The following DYNC1H1 variants were observed in gnomAD, a reference collection of about 807,000 sequenced individuals.
DYNC1H1 encodes the protein cytoplasmic dynein 1 heavy chain 1.
Under a neutral mutation model 527.1 loss-of-function variants are expected in DYNC1H1, and 51 were observed. The ratio of observed to expected loss-of-function variants is 0.10; its 90% CI spans 0.08 to 0.12. The LOEUF is 0.12. DYNC1H1 is among the 10% of genes least tolerant of loss of function. The probability of loss-of-function intolerance (pLI) is 1.00; values close to 1 mark genes in which losing one functional copy is unlikely to be tolerated. For synonymous variants in DYNC1H1, 2,189 were observed against 2,278.8 expected (o/e 0.96, Z 1.12); for missense variants, 2,771 against 5,971.8 (o/e 0.46, Z 17.66).
chr14:102,008,312 A>C lies in DYNC1H1; in HGVS notation c.5952A>C (p.Glu1984Asp). 1 of 1,614,220 alleles carries C rather than the reference A, an allele frequency of 6.2e-7. No homozygotes were observed. Among genetic ancestry groups the C allele is most frequent in the Non-Finnish European group, 8.5e-7 (1 of 1,180,038 alleles). ...QVQCIQEALR[E>D]HSNPNYDKTS... ...AGTGCATACAGGAAGCACTGCGTGA[A>C]CATTCCAACCCCAACTACGACAAGA... is the stretch of plus-strand genomic sequence containing the variant. Residue 1984 changes from glutamate (E) to aspartate (D), a missense_variant, in exon 29 of 78, where the codon GAA becomes GAC. Glu to Asp is a conservative substitution (Grantham distance 45, BLOSUM62 2). This residue lies in a region of DYNC1H1 where 39 missense variants were observed against 38.8 expected (regional missense o/e 1.00). Transcript: ENST00000360184.
At position 102,026,735 on chromosome 14, in the gene DYNC1H1, C is replaced by T. The variant is rs577133277; in HGVS notation, c.8771+28C>T. The stretch of plus-strand genomic sequence containing the variant: ...GGGCTTTTTTGTTGTTACAGCCCCA[C>T]CTCTCGCCTAAGCTGCTCTTGAGTA... On this transcript the variant is annotated intron_variant, in intron 44 of 77. Coordinates refer to ENST00000360184, the MANE Select transcript of DYNC1H1 (RefSeq NM_001376.5). The T allele has an allele frequency of 3.1e-6, 5 of 1,611,010 alleles. No individual in the cohort carries two copies. In the East Asian group the frequency reaches 8.9e-5, roughly 29 times the overall value.
chr14:102,026,349 G>A (rs560199731), intron 43 of DYNC1H1, among the ~76,000 whole-genome samples: 1 of 152,032 alleles, frequency 6.6e-6, no homozygotes, highest in Non-Finnish European at 1.5e-5. Context: ...CATGTATTGA[G>A]GTCCTCTTCA....
In DYNC1H1 at chr14:102,016,289, G is replaced by A; in HGVS notation, c.7474-60G>A. The stretch of plus-strand genomic sequence containing the variant: ...TGTCTTTAGGTTAACTTTGCTGTAA[G>A]TGTCTTTCTTTTGTTGTTGAAATTT... On this transcript the variant is annotated intron_variant, in intron 36 of 77. Transcript: ENST00000360184. The surrounding 1 kb of genome is among the most constrained non-coding windows in gnomAD (Gnocchi z 7.3). The A allele has an allele frequency of 6.2e-7, 1 of 1,603,256 alleles. No homozygotes were observed. Among genetic ancestry groups the A allele is most frequent in the African/African-American group, 1.3e-5 (1 of 74,578 alleles).
chr14:102,036,680 C>T lies in DYNC1H1; in HGVS notation c.10908+38C>T, dbSNP rs968746071. The T allele has an allele frequency of 1.9e-6, 3 of 1,613,128 alleles. No homozygotes were observed. The highest frequency in any genetic ancestry group is 3.3e-5 in the Admixed American group (2 of 59,986). On this transcript the variant is annotated intron_variant, in intron 57 of 77. Coordinates refer to ENST00000360184, the MANE Select transcript of DYNC1H1 (RefSeq NM_001376.5). The surrounding 1 kb of genome is among the most constrained non-coding windows in gnomAD (Gnocchi z 5.6). ...CTTTGAATTCTTGAAACACTGCATT[C>T]AAGAGTGAATTCCTTTTTGGGGGCT... is the stretch of plus-strand genomic sequence containing the variant.
intron 23 of DYNC1H1, among the ~76,000 whole-genome samples, chr14:102,003,984 G>A (rs1037279022): frequency 6.6e-6 from 1 of 151,798 alleles, no homozygotes; most frequent in African/African-American, 2.4e-5. Flanking sequence ...GCTCACGCCT[G>A]TAATCCCAGC....
rs2048697811 is a variant in DYNC1H1 at position 102,044,927 on chromosome 14, C to A, written c.13006+229C>A. ...GGAAAGAACTGGCTCTTCTCTGCAG[C>A]ATCAACTCAGTTCTAGAGAAAAGGC... On this transcript the variant is annotated intron_variant, in intron 72 of 77. Transcript: ENST00000360184. This position sits in a 1 kb window ranked among gnomAD's most constrained non-coding sequence, Gnocchi z 7.1. 1.7e-6 allele frequency: 1 copy of A among 590,916 alleles called. No individual in the cohort carries two copies. The allele number at this position is 590,916 out of a possible 1,614,324, so 36.6% of individuals were successfully genotyped here. A position where few individuals can be genotyped will look rare whatever the true frequency, so the allele number is the denominator to read the frequency against.
At position 102,049,275 on chromosome 14, in the gene DYNC1H1, G is replaced by A. The variant is rs565237442; in HGVS notation, c.13373-165G>A. Reference sequence around the variant, plus strand: ...CAGCCTGAGCTAGAGCAGATGTGGTGAGGGCGGCGCCAGGGGCATAAAGTG... The same window carrying A: ...CAGCCTGAGCTAGAGCAGATGTGGTAAGGGCGGCGCCAGGGGCATAAAGTG... On this transcript the variant is annotated intron_variant, in intron 74 of 77. Transcript: ENST00000360184. The surrounding 1 kb of genome is among the most constrained non-coding windows in gnomAD (Gnocchi z 5.5). 105 of 924,266 alleles carry A rather than the reference G, an allele frequency of 1.1e-4. 1 individual carries two copies. The African/African-American group carries it at 1.6e-3, about 14-fold the overall frequency. The allele number at this position is 924,266 out of a possible 1,614,324, so 57.3% of individuals were successfully genotyped here. A position where few individuals can be genotyped will look rare whatever the true frequency, so the allele number is the denominator to read the frequency against.
chr14:102,039,758 G>C lies in DYNC1H1; in HGVS notation c.11690+26G>C. On this transcript the variant is annotated intron_variant, in intron 62 of 77. Transcript: ENST00000360184. The surrounding 1 kb of genome is among the most constrained non-coding windows in gnomAD (Gnocchi z 7.0). ...GTAAGAGCACTCACGCCCACAGGAGGATGCCATATTGCTGGTGGCCCCCAA... is the reference window on the plus strand; with the variant it reads ...GTAAGAGCACTCACGCCCACAGGAGCATGCCATATTGCTGGTGGCCCCCAA... 1 of 1,613,204 alleles carries C rather than the reference G, an allele frequency of 6.2e-7. No individual in the cohort carries two copies. Among genetic ancestry groups the C allele is most frequent in the South Asian group, 1.1e-5 (1 of 91,056 alleles).
chr14:101,990,804 A>G (rs2047988459), intron 10 of DYNC1H1, among the ~76,000 whole-genome samples: 1 of 151,974 alleles, frequency 6.6e-6, no homozygotes, highest in African/African-American at 2.4e-5. Flanking sequence ...AGGTCAAGAG[A>G]TAGAGACCAT....
At position 102,038,953 on chromosome 14, in the gene DYNC1H1, T is replaced by TA. The variant is rs770938845; in HGVS notation, c.11207-47dup. ...TTTGTGGCAAACACTTCTGAGAGCA[T>TA]ACCTTTTGAAGGATTATTGCAAACT... On this transcript the variant is annotated intron_variant, in intron 59 of 77. Transcript: ENST00000360184. The surrounding 1 kb of genome is among the most constrained non-coding windows in gnomAD (Gnocchi z 7.2). 6.2e-7 allele frequency: 1 copy of TA among 1,613,986 alleles called. No homozygotes were observed. Among genetic ancestry groups the TA allele is most frequent in the African/African-American group, 1.3e-5 (1 of 75,062 alleles).
intron 77 of DYNC1H1, 24 bp downstream of exon 77, chr14:102,050,222 G>C: frequency 6.2e-7 from 1 of 1,613,788 alleles, no homozygotes. Context: ...GCCTTTCCCA[G>C]GCATTCTGCA....
At chr14:102,031,909 G>A (rs554806363) in intron 51 of DYNC1H1, among the ~76,000 whole-genome samples, 44 of 152,254 alleles carry the variant, frequency 2.9e-4, no homozygotes, top group Non-Finnish European at 4.9e-4. Flanking sequence ...AGCTGAGATC[G>A]CACCACTGCA....
In DYNC1H1 at chr14:102,052,115, A is replaced by G. The variant is rs1246530637; in HGVS notation, c.*1552A>G. On this transcript the variant is annotated 3_prime_UTR_variant, in exon 78 of 78. Transcript: ENST00000360184. ...AGTGCCGGGGTTCTAGGTGTGAGTC[A>G]CCGAGTTGAGCCCCTAAACACATGT... 6.6e-6 allele frequency: 1 copy of G among 151,884 alleles called. No homozygotes were observed. Among genetic ancestry groups the G allele is most frequent in the Non-Finnish European group, 1.5e-5 (1 of 68,026 alleles). 9.4% of individuals were successfully genotyped at this position (151,884 alleles called of 1,614,324 possible). A position where few individuals can be genotyped will look rare whatever the true frequency, so the allele number is the denominator to read the frequency against.
At chr14:101,971,377 G>A (rs1413527926) in intron 1 of DYNC1H1, among the ~76,000 whole-genome samples, 1 of 151,914 alleles carries the variant, frequency 6.6e-6, no homozygotes, top group Non-Finnish European at 1.5e-5. Flanking sequence ...CCCAGTCGAG[G>A]GTGGTATAGT....
chr14:102,013,687 G>T lies in DYNC1H1; in HGVS notation c.7014+1217G>T, dbSNP rs560411159. ...TGGGCAAGCTGGGATCCATGGAGCA[G>T]CCTGGACAGGAGCGATGTTGCCTGA... On this transcript the variant is annotated intron_variant, in intron 34 of 77. Transcript: ENST00000360184. Among the ~76,000 whole-genome samples the T allele has an allele frequency of 7.2e-5, 11 of 152,320 alleles. No individual in the cohort carries two copies. The East Asian group carries it at 2.1e-3, about 29-fold the overall frequency.
Position 102,002,866 on chromosome 14 carries a change from A to G in DYNC1H1, c.4784A>G (p.Gln1595Arg). The change falls in exon 23 of 78, where the codon CAG becomes CGG. Residue 1595 changes from glutamine to arginine, a missense_variant. Transcript: ENST00000360184. The surrounding 1 kb of genome is among the most constrained non-coding windows in gnomAD (Gnocchi z 4.4). ...SPLVMDVLNI[Q>R]GVQRSLERLA... is the part of the protein sequence containing the mutation. ...CTTGTTATGGATGTTCTGAACATCCAGGGAGTACAGAGGTCTCTGGAAAGA... is the reference window on the plus strand; with the variant it reads ...CTTGTTATGGATGTTCTGAACATCCGGGGAGTACAGAGGTCTCTGGAAAGA... 6.2e-7 allele frequency: 1 copy of G among 1,614,276 alleles called. No individual in the cohort carries two copies. The highest frequency in any genetic ancestry group is 8.5e-7 in the Non-Finnish European group (1 of 1,180,050).
At chr14:102,034,572 C>T in intron 56 of DYNC1H1, 120 bp downstream of exon 56, 1 of 1,540,940 alleles carries the variant, frequency 6.5e-7, no homozygotes, top group African/African-American at 1.4e-5. Context: ...GCATACAGTG[C>T]TGGCAGCTTG....
chr14:101,970,100 T>C (rs1217202216), intron 1 of DYNC1H1, among the ~76,000 whole-genome samples: 1 of 152,236 alleles, frequency 6.6e-6, no homozygotes, highest in Non-Finnish European at 1.5e-5. Context: ...ACTTAGTAGA[T>C]TTTTAAAAAT....
chr14:101,985,295 A>T lies in DYNC1H1; in HGVS notation c.1462-392A>T, dbSNP rs902090962. 3.3e-5 allele frequency among the ~76,000 whole-genome samples: 5 copies of T among 151,960 alleles called. No individual in the cohort carries two copies. The highest frequency in any genetic ancestry group is 4.1e-4 in the South Asian group (2 of 4,820). ...TTAAATGACTAATTTCTTTATATAT[A>T]TTTTTTTCTCTTCTGAATTTATCTT... On this transcript the variant is annotated intron_variant, in intron 7 of 77. Transcript: ENST00000360184. This position sits in a 1 kb window ranked among gnomAD's most constrained non-coding sequence, Gnocchi z 5.9.
Sources: gnomAD v4.1 joint callset for allele counts (sites outside exome capture counted in the v4.1 genomes callset) on GRCh38, gnomAD v4.1.1 for gene constraint, gnomAD v4.1.1 regional missense constraint, Gnocchi (gnomAD v3.1) non-coding constraint, MANE v1.5 for transcripts, NCBI Gene and HGNC (gene_info 2026-07-23, HGNC 2026-07-21) for gene names.